Variants in SEL1L observed in about 807,000 individuals in gnomAD.
The protein encoded by SEL1L is protein sel-1 homolog 1.
In SEL1L, 52 loss-of-function variants were observed where a neutral mutation model predicts 109.8. That is an observed-to-expected ratio of 0.47 (90% confidence interval 0.38 to 0.60). SEL1L has a LOEUF of 0.60. SEL1L is among the 20% of genes least tolerant of loss of function. SEL1L has a pLI of 0.00. For synonymous variants in SEL1L, 373 were observed against 339.6 expected (o/e 1.10, Z -1.08); for missense variants, 749 against 962.2 (o/e 0.78, Z 2.93).
At chr14:81,489,956 G>GT (rs1595507946) in intron 13 of SEL1L, among the ~76,000 whole-genome samples, 1 of 152,164 alleles carries the variant, frequency 6.6e-6, no homozygotes, top group Admixed American at 6.5e-5. Context: ...TGACAGAGAG[G>GT]TAAGTGTACA....
chr14:81,498,972 G>A, intron 8 of SEL1L: 1 of 380,938 alleles, frequency 2.6e-6, no homozygotes, highest in South Asian at 1.1e-4. Flanking sequence ...ATCATGAAAA[G>A]TAAAAAACAG....
At chr14:81,489,170 G>T in intron 14 of SEL1L, 82 bp downstream of exon 14, 2 of 1,249,960 alleles carry the variant, frequency 1.6e-6, no homozygotes, top group South Asian at 1.2e-5. Context: ...CACCTGGGCT[G>T]ACTGGAAGCT....
At position 81,487,379 on chromosome 14, in the gene SEL1L, A is replaced by G; in HGVS notation, c.1632+11T>C. 1 of 1,562,092 alleles carries G rather than the reference A, an allele frequency of 6.4e-7. No homozygotes were observed. The highest frequency in any genetic ancestry group is 8.6e-7 in the Non-Finnish European group (1 of 1,163,456). On this transcript the variant is annotated intron_variant, in intron 16 of 20. Coordinates refer to ENST00000336735, the MANE Select transcript of SEL1L (RefSeq NM_005065.6). ...AACTCCCTACACACAAGCTGGTAGG[A>G]AAGACCTTACCTCCACTGCAGTGTG...
At chr14:81,479,424 T>TA (rs1903272706) in intron 20 of SEL1L, 188 bp downstream of exon 20, 1 of 409,884 alleles carries the variant, frequency 2.4e-6, no homozygotes, top group South Asian at 8.2e-5. Flanking sequence ...AAAACTGCAG[T>TA]AGCTGCTTTA....
At chr14:81,495,221 C>T (rs1272200936) in intron 10 of SEL1L, 84 bp from the exon 11 acceptor site, 5 of 1,209,228 alleles carry the variant, frequency 4.1e-6, no homozygotes, top group East Asian at 2.3e-5. Context: ...ATGATTTGGT[C>T]GTAAAATGGC....
chr14:81,481,630 A>G (rs1382542843), intron 19 of SEL1L, among the ~76,000 whole-genome samples: 3 of 152,226 alleles, frequency 2.0e-5, no homozygotes, highest in African/African-American at 7.2e-5. Flanking sequence ...GTCAATCCTC[A>G]TATTTAATAT....
intron 17 of SEL1L, 55 bp from the exon 18 acceptor site, chr14:81,485,801 T>C: frequency 6.9e-7 from 1 of 1,454,216 alleles, no homozygotes; most frequent in Non-Finnish European, 9.6e-7. Context: ...GCACTAGACT[T>C]AATTTTCATT....
intron 3 of SEL1L, among the ~76,000 whole-genome samples, chr14:81,514,523 CAA>C (rs1159385705): frequency 6.6e-6 from 1 of 152,156 alleles, no homozygotes; most frequent in African/African-American, 2.4e-5. Flanking sequence ...GGAGGACAGA[CAA>C]GAGTGCAGGA....
rs930464461 is a variant in SEL1L, at chr14:81,474,421, A to G, written c.*2551T>C. The G allele has an allele frequency of 6.6e-6, 1 of 152,180 alleles. No homozygotes were observed. The highest frequency in any genetic ancestry group is 2.4e-5 in the African/African-American group (1 of 41,434). 9.4% of individuals were successfully genotyped at this position (152,180 alleles called of 1,614,324 possible). ...CAGACTAGAAAAGGTCTTAGGAGAG[A>G]TGGGCTACCATGGACAAATGAAGCC... On this transcript the variant is annotated 3_prime_UTR_variant, in exon 21 of 21. Transcript: ENST00000336735.
intron 1 of SEL1L, among the ~76,000 whole-genome samples, chr14:81,528,525 C>G (rs181938749): frequency 6.6e-6 from 1 of 152,262 alleles, no homozygotes; most frequent in Non-Finnish European, 1.5e-5. Context: ...GCTTGTTACT[C>G]TTCTTCCTGC....
chr14:81,520,144 TAC>T (rs2140050458), intron 3 of SEL1L, among the ~76,000 whole-genome samples: 1 of 152,278 alleles, frequency 6.6e-6, no homozygotes. Flanking sequence ...GCTGGAACTG[TAC>T]ACAGAGCCAT....
intron 3 of SEL1L, among the ~76,000 whole-genome samples, chr14:81,516,782 C>T (rs767890588): frequency 9.2e-5 from 14 of 152,128 alleles, no homozygotes; most frequent in African/African-American, 1.2e-4. Flanking sequence ...ATTTCACATG[C>T]GTTGTTACAA....
rs35474067 is a variant in SEL1L, at chr14:81,510,514, C to CTCTCTCTATATATA, written c.341-4274_341-4273insTATATATAGAGAGA. On this transcript the variant is annotated intron_variant, in intron 3 of 20. Transcript: ENST00000336735. ...TCTCTCTCTCTCTCTCTCTCTCTCT[C>CTCTCTCTATATATA]TATATATATATATATAGACAATTAA... 7.5e-3 allele frequency among the ~76,000 whole-genome samples: 780 copies of CTCTCTCTATATATA among 104,004 alleles called. 8 individuals carry two copies. The highest frequency in any genetic ancestry group is 0.01 in the Non-Finnish European group (506 of 50,216). The allele number at this position is 104,004 out of a possible 152,430, so 68.2% of individuals were successfully genotyped here.
chr14:81,528,727 T>C (rs555078231), intron 1 of SEL1L, among the ~76,000 whole-genome samples: 2 of 152,298 alleles, frequency 1.3e-5, no homozygotes, highest in African/African-American at 4.8e-5. Context: ...AATTAACCAG[T>C]AGACAAAACC....
chr14:81,524,746 C>T (rs1020636156), intron 3 of SEL1L, among the ~76,000 whole-genome samples: 11 of 152,034 alleles, frequency 7.2e-5, no homozygotes, highest in Non-Finnish European at 1.3e-4. Flanking sequence ...TGGTGGTACG[C>T]GCCTGGTATC....
At position 81,486,357 on chromosome 14, in the gene SEL1L, T is replaced by C. The variant is rs375576886; in HGVS notation, c.1730A>G (p.Gln577Arg). 24 of 1,614,074 alleles carry C rather than the reference T, an allele frequency of 1.5e-5. No homozygotes were observed. The African/African-American group carries it at 2.4e-4, about 16-fold the overall frequency. Residue 577 changes from glutamine (Q) to arginine (R), a missense_variant, in exon 17 of 21, where the codon CAG becomes CGG. Gln to Arg is a conservative substitution (Grantham distance 43). Coordinates refer to ENST00000336735, the MANE Select transcript of SEL1L (RefSeq NM_005065.6). ...GCCCTGTTCAGCCAGGAGGAGGTAC[T>C]GGATCACTGCAGCATTGTAATCGCC... ...KDGDYNAAVIQYLLLAEQGYE... is the reference protein window; with the variant it reads ...KDGDYNAAVIRYLLLAEQGYE...
intron 11 of SEL1L, among the ~76,000 whole-genome samples, chr14:81,494,037 C>T (rs564085062): frequency 3.9e-5 from 6 of 152,314 alleles, no homozygotes; most frequent in Non-Finnish European, 7.4e-5. Flanking sequence ...TAGATTCACA[C>T]ACCATCGAGA....
rs1010068494 is a variant in SEL1L, at chr14:81,475,698, A to C, written c.*1274T>G. 3 of 152,218 alleles carry C rather than the reference A, an allele frequency of 2.0e-5. No homozygotes were observed. The highest frequency in any genetic ancestry group is 7.2e-5 in the African/African-American group (3 of 41,450). The allele number at this position is 152,218 out of a possible 1,614,324, so 9.4% of individuals were successfully genotyped here. ...TTATTTCACGTGTGTAATTATGTGAAACTCTTCAGTTTTTTTCCCATACTA... is the reference window on the plus strand; with the variant it reads ...TTATTTCACGTGTGTAATTATGTGACACTCTTCAGTTTTTTTCCCATACTA... On this transcript the variant is annotated 3_prime_UTR_variant, in exon 21 of 21. Coordinates refer to ENST00000336735, the MANE Select transcript of SEL1L (RefSeq NM_005065.6).
intron 19 of SEL1L, among the ~76,000 whole-genome samples, chr14:81,483,814 T>C (rs1208195002): frequency 6.6e-6 from 1 of 152,208 alleles, no homozygotes; most frequent in Non-Finnish European, 1.5e-5. Flanking sequence ...CCTTAAGTCA[T>C]GAGTCCAGAG....
Sources: gnomAD v4.1 joint callset for allele counts (sites outside exome capture counted in the v4.1 genomes callset) on GRCh38, gnomAD v4.1.1 for gene constraint, MANE v1.5 for transcripts, NCBI Gene and HGNC (gene_info 2026-07-23, HGNC 2026-07-21) for gene names.